Variants in CDK14 observed in about 807,000 individuals in gnomAD.
CDK14 encodes cyclin-dependent kinase 14.
In CDK14, 34 loss-of-function variants were observed where a neutral mutation model predicts 60.7. The observed-to-expected ratio is 0.56, with a 90% CI of 0.43 to 0.75. CDK14 has a LOEUF of 0.75. Among genes scored for constraint, CDK14 ranks in the 30% least tolerant of loss-of-function variants. The pLI is 0.00. For synonymous variants in CDK14, 197 were observed against 203.7 expected (o/e 0.97, Z 0.28); for missense variants, 482 against 564.1 (o/e 0.85, Z 1.47).
chr7:91,124,996 C>G (rs999735729), intron 14 of CDK14, among the ~76,000 whole-genome samples: 2 of 152,036 alleles, frequency 1.3e-5, no homozygotes, highest in African/African-American at 4.8e-5. Flanking sequence ...ACTAGACAGT[C>G]TTTGTGGTCT....
chr7:91,058,067 C>A (rs1384164875), intron 11 of CDK14, among the ~76,000 whole-genome samples: 3 of 152,002 alleles, frequency 2.0e-5, no homozygotes, highest in Non-Finnish European at 4.4e-5. Context: ...TTGTTTGTAT[C>A]CTCTTTTATT....
intron 14 of CDK14, among the ~76,000 whole-genome samples, chr7:91,158,075 A>T (rs1308862462): frequency 1.5e-5 from 1 of 65,484 alleles, no homozygotes; most frequent in African/African-American, 3.5e-5. Context: ...TATTATATAC[A>T]TTAATTATAT....
intron 11 of CDK14, among the ~76,000 whole-genome samples, chr7:91,065,080 A>G (rs1163434042): frequency 1.3e-5 from 2 of 152,210 alleles, no homozygotes; most frequent in East Asian, 3.8e-4. Context: ...TAATGAATAC[A>G]GTAGAACATT....
chr7:90,899,211 G>C, intron 6 of CDK14, 80 bp from the exon 7 acceptor site: 6 of 1,131,094 alleles, frequency 5.3e-6, no homozygotes, highest in Non-Finnish European at 7.6e-6. Flanking sequence ...GAAGGTAATG[G>C]TGAGTTTGAA....
intron 10 of CDK14, among the ~76,000 whole-genome samples, chr7:91,001,727 A>G (rs190706987): frequency 6.6e-6 from 1 of 152,330 alleles, no homozygotes; most frequent in African/African-American, 2.4e-5. Context: ...TCTCCTAGCA[A>G]TGTCCCAGGA....
intron 11 of CDK14, among the ~76,000 whole-genome samples, chr7:91,062,201 G>T (rs1282859395): frequency 6.6e-6 from 1 of 152,216 alleles, no homozygotes; most frequent in East Asian, 1.9e-4. Flanking sequence ...CTCCGAGCCA[G>T]GTGTGGGATA....
At chr7:90,773,122 A>G (rs1804856610) in intron 4 of CDK14, among the ~76,000 whole-genome samples, 1 of 152,234 alleles carries the variant, frequency 6.6e-6, no homozygotes, top group Non-Finnish European at 1.5e-5. Flanking sequence ...AAGAATAATG[A>G]CACTACTTTC....
At chr7:90,910,145 A>T (rs931228442) in intron 7 of CDK14, among the ~76,000 whole-genome samples, 14 of 152,238 alleles carry the variant, frequency 9.2e-5, no homozygotes, top group African/African-American at 3.4e-4. Flanking sequence ...AATGTTGAAT[A>T]GCTAGGGTTT....
At chr7:90,774,837 A>G (rs1375436457) in intron 4 of CDK14, among the ~76,000 whole-genome samples, 1 of 152,162 alleles carries the variant, frequency 6.6e-6, no homozygotes, top group Non-Finnish European at 1.5e-5. Flanking sequence ...TGCCTTAATG[A>G]CCCTCGAGGG....
intron 5 of CDK14, among the ~76,000 whole-genome samples, chr7:90,830,362 C>T (rs1253475194): frequency 6.6e-6 from 1 of 152,186 alleles, no homozygotes; most frequent in Non-Finnish European, 1.5e-5. Flanking sequence ...AACTTGGTGC[C>T]TTTTAGCCAT....
chr7:91,020,074 G>A (rs1281949952), intron 10 of CDK14, among the ~76,000 whole-genome samples: 1 of 152,076 alleles, frequency 6.6e-6, no homozygotes, highest in African/African-American at 2.4e-5. Context: ...GCTCTTCTCT[G>A]GTCATGGTAG....
intron 5 of CDK14, among the ~76,000 whole-genome samples, chr7:90,857,084 GT>G (rs1270204734): frequency 8.0e-5 from 12 of 149,734 alleles, no homozygotes; most frequent in East Asian, 1.9e-4. Context: ...AATATTAAAG[GT>G]TTTTTTCCCC....
intron 2 of CDK14, among the ~76,000 whole-genome samples, chr7:90,619,693 T>C (rs1799728253): frequency 6.6e-6 from 1 of 152,118 alleles, no homozygotes. Flanking sequence ...AATGTAAAAA[T>C]TGATACTGAA....
chr7:90,866,783 A>C (rs1055217518), intron 6 of CDK14, among the ~76,000 whole-genome samples: 5 of 152,180 alleles, frequency 3.3e-5, no homozygotes, highest in Admixed American at 2.6e-4. Flanking sequence ...AAGTGGTAAA[A>C]ATTTAGTGAT....
Position 90,940,668 on chromosome 7 carries a change from C to T in CDK14, c.827-15029C>T, listed in dbSNP as rs2117507694. 2.0e-5 allele frequency among the ~76,000 whole-genome samples: 3 copies of T among 152,074 alleles called. 1 individual carries two copies. In the South Asian group the frequency reaches 6.3e-4, roughly 32 times the overall value. On this transcript the variant is annotated intron_variant, in intron 8 of 14. Transcript: ENST00000380050. Reference sequence around the variant, plus strand: ...AGGTGTGGTAGCATGTGCCTGTAGTCCCAGCTACTTAGGAGGCTGAGGTGG... The same window carrying T: ...AGGTGTGGTAGCATGTGCCTGTAGTTCCAGCTACTTAGGAGGCTGAGGTGG...
At chr7:90,967,535 T>TG (rs1794788868) in intron 9 of CDK14, among the ~76,000 whole-genome samples, 1 of 152,090 alleles carries the variant, frequency 6.6e-6, no homozygotes, top group Non-Finnish European at 1.5e-5. Context: ...GCCATCTTAG[T>TG]GTGGTGGTGG....
At chr7:91,185,994 T>C (rs1236847626) in intron 14 of CDK14, among the ~76,000 whole-genome samples, 1 of 152,140 alleles carries the variant, frequency 6.6e-6, no homozygotes, top group Non-Finnish European at 1.5e-5. Context: ...ATAAATGGAA[T>C]CATGCATATG....
intron 6 of CDK14, among the ~76,000 whole-genome samples, chr7:90,867,807 A>G (rs1424324359): frequency 6.6e-6 from 1 of 152,090 alleles, no homozygotes; most frequent in Non-Finnish European, 1.5e-5. Context: ...GTAGATTTTT[A>G]TGTTAAGCAT....
chr7:90,965,643 G>A (rs1794731070), intron 9 of CDK14, among the ~76,000 whole-genome samples: 1 of 152,064 alleles, frequency 6.6e-6, no homozygotes, highest in Non-Finnish European at 1.5e-5. Context: ...CCCTTTATCT[G>A]GATTCCATGT....
Sources: allele counts gnomAD v4.1 joint callset (sites outside exome capture counted in the v4.1 genomes callset), GRCh38; gene constraint gnomAD v4.1.1; transcripts MANE v1.5; gene names NCBI Gene and HGNC (gene_info 2026-07-23, HGNC 2026-07-21).